The following HNRNPM variants were observed in gnomAD, a reference collection of about 807,000 sequenced individuals.
HNRNPM encodes CEA receptor.
Under a neutral mutation model 73.1 loss-of-function variants are expected in HNRNPM, and 11 were observed. The observed-to-expected ratio is 0.15, with a 90% CI of 0.09 to 0.25. The LOEUF (loss-of-function observed/expected upper bound fraction) is 0.25. Ranked by LOEUF, HNRNPM falls within the 10% of genes least tolerant of loss-of-function variation. HNRNPM has a pLI of 1.00. For synonymous variants in HNRNPM, 407 were observed against 355.2 expected, an observed-to-expected ratio of 1.15 and a Z score of -1.64; for missense variants, 789 against 1,067.9, an observed-to-expected ratio of 0.74 and a Z score of 3.64.
Position 8,462,983 on chromosome 19 carries a change from A to T in HNRNPM, c.336+402A>T, listed in dbSNP as rs531787705. Among the ~76,000 whole-genome samples, 16 of 152,350 alleles carry T rather than the reference A, an allele frequency of 1.1e-4. No homozygotes were observed. The highest frequency in any genetic ancestry group is 3.6e-4 in the African/African-American group (15 of 41,582). ...AATTTGAAAGTTGTGTGAACCAAAG[A>T]TTCCGAAAAGTTGCCTTTGTGCCAG... is the stretch of plus-strand genomic sequence containing the variant. On this transcript the variant is annotated intron_variant, in intron 3 of 15. Coordinates refer to ENST00000325495, the MANE Select transcript of HNRNPM (RefSeq NM_005968.5). The surrounding 1 kb of genome is among the most constrained non-coding windows in gnomAD (Gnocchi z 4.5).
intron 1 of HNRNPM, among the ~76,000 whole-genome samples, chr19:8,450,023 CTGG>C (rs1968494745): frequency 3.3e-5 from 5 of 152,264 alleles, no homozygotes; most frequent in Admixed American, 3.3e-4. Context: ...ACAGGTTGCG[CTGG>C]TTTTGCTGGT....
At chr19:8,485,475 G>T (rs1971209256) in intron 13 of HNRNPM, 128 bp from the exon 14 acceptor site, 5 of 938,518 alleles carry the variant, frequency 5.3e-6, no homozygotes, top group Non-Finnish European at 8.1e-6. Flanking sequence ...TTTGAGGGGT[G>T]TCTTAATGGT....
At chr19:8,445,911 A>G (rs1036891002) in intron 1 of HNRNPM, among the ~76,000 whole-genome samples, 4 of 152,194 alleles carry the variant, frequency 2.6e-5, no homozygotes, top group Non-Finnish European at 2.9e-5. Flanking sequence ...AGGCGGGTTC[A>G]TTTACTTCCA....
chr19:8,459,044 C>T (rs1969214918), intron 2 of HNRNPM, among the ~76,000 whole-genome samples: 1 of 152,154 alleles, frequency 6.6e-6, no homozygotes, highest in African/African-American at 2.4e-5. Flanking sequence ...TCTCTTGCCC[C>T]AGCCTCCCAA....
chr19:8,461,724 T>C (rs1008707553), intron 2 of HNRNPM, among the ~76,000 whole-genome samples: 8 of 150,284 alleles, frequency 5.3e-5, no homozygotes, highest in Non-Finnish European at 1.5e-5. Flanking sequence ...TTGAATTTAT[T>C]TGTGTCCTTT....
Position 8,474,228 on chromosome 19 carries a change from C to G in HNRNPM, c.1104C>G (p.Asn368Lys). ...TGGGTCGATTTGGATCTGGGATGAA[C>G]ATGGGCAGGATAAATGGTAAGCATC... ...ENMGRFGSGM[N>K]MGRINEILSN... The change falls in exon 12 of 16, where the codon AAC becomes AAG. Residue 368 changes from asparagine to lysine, a missense_variant. Asn to Lys is a moderately conservative substitution (Grantham distance 94). Coordinates refer to ENST00000325495, the MANE Select transcript of HNRNPM (RefSeq NM_005968.5). 1 of 1,591,958 alleles carries G rather than the reference C, an allele frequency of 6.3e-7. No individual in the cohort carries two copies. The highest frequency in any genetic ancestry group is 8.5e-7 in the Non-Finnish European group (1 of 1,170,614).
At position 8,466,269 on chromosome 19, in the gene HNRNPM, A is replaced by T. The variant is rs766767057; in HGVS notation, c.665A>T (p.Glu222Val). ...AAAGTTGGCTGGAAGAAACTGAAGG[A>T]AGTATTTAGTATGGCTGGTGTGGTG... is the stretch of plus-strand genomic sequence containing the variant. ...DYKVGWKKLKEVFSMAGVVVR... is the reference protein window; with the variant it reads ...DYKVGWKKLKVVFSMAGVVVR... The change falls in exon 7 of 16, where the codon GAA becomes GTA. Residue 222 changes from glutamate to valine, a missense_variant. Glu to Val is a moderately radical substitution (Grantham distance 121). Coordinates refer to ENST00000325495, the MANE Select transcript of HNRNPM (RefSeq NM_005968.5). 6.2e-7 allele frequency: 1 copy of T among 1,613,948 alleles called. No individual in the cohort carries two copies. The highest frequency in any genetic ancestry group is 8.5e-7 in the Non-Finnish European group (1 of 1,179,994).
rs1222128531 is a variant in HNRNPM at position 8,445,046 on chromosome 19, C to G, written c.48C>G (p.Ile16Met). Reference protein sequence around the residue: ...EAAAEVAATEIKMEEESGAPG... With the variant: ...EAAAEVAATEMKMEEESGAPG... ...CGGCGGAGGTGGCGGCGACGGAGAT[C>G]AAAATGGAGGAAGAGAGCGGCGCGC... The change falls in exon 1 of 16, where the codon ATC (isoleucine) becomes ATG (methionine). Residue 16 changes from isoleucine to methionine, a missense_variant. This residue lies in a region of HNRNPM where 79 missense variants were observed against 70.7 expected (regional missense o/e 1.12). Coordinates refer to ENST00000325495, the MANE Select transcript of HNRNPM (RefSeq NM_005968.5). 2.1e-6 allele frequency: 3 copies of G among 1,432,732 alleles called. No individual in the cohort carries two copies. Among genetic ancestry groups the G allele is most frequent in the African/African-American group, 1.5e-5 (1 of 66,966 alleles). 88.8% of individuals were successfully genotyped at this position (1,432,732 alleles called of 1,614,324 possible).
intron 1 of HNRNPM, among the ~76,000 whole-genome samples, chr19:8,451,678 C>G (rs1234920881): frequency 6.6e-6 from 1 of 152,048 alleles, no homozygotes; most frequent in Non-Finnish European, 1.5e-5. Context: ...CAGTTGTGCA[C>G]CAACATACCT....
At chr19:8,452,271 C>T (rs1480405391) in intron 1 of HNRNPM, among the ~76,000 whole-genome samples, 1 of 152,170 alleles carries the variant, frequency 6.6e-6, no homozygotes, top group Non-Finnish European at 1.5e-5. Context: ...GGAAATAATT[C>T]ATCATGGACT....
Position 8,486,218 on chromosome 19 carries a change from G to T in HNRNPM, c.1790G>T (p.Gly597Val), listed in dbSNP as rs1185441981. The T allele has an allele frequency of 6.3e-7, 1 of 1,590,746 alleles. No homozygotes were observed. The highest frequency in any genetic ancestry group is 8.6e-7 in the Non-Finnish European group (1 of 1,169,572). ...CTCGAGCGCATGGGCCCTGCCATGG[G>T]CCCGGCCCTGGGCGCTGGCATTGAG... Reference protein sequence around the residue: ...NSLERMGPAMGPALGAGIERM... With the variant: ...NSLERMGPAMVPALGAGIERM... Residue 597 changes from glycine (G) to valine (V), a missense_variant, in exon 14 of 16, where the codon GGC becomes GTC. This residue lies in a region of HNRNPM where 604 missense variants were observed against 744.0 expected (regional missense o/e 0.81). Transcript: ENST00000325495.
Position 8,466,346 on chromosome 19 carries a change from A to G in HNRNPM, c.742A>G (p.Thr248Ala). ...AGATGGAAAAAGTCGTGGAATAGGC[A>G]CTGTTACTTTTGAACAGTCCATTGA... ...DKDGKSRGIG[T>A]VTFEQSIEAV... is the part of the protein sequence containing the mutation. Residue 248 changes from threonine to alanine, a missense_variant, in exon 7 of 16, where the codon ACT becomes GCT. Around this residue, in one of 4 missense-constraint regions of HNRNPM, gnomAD observed 604 missense variants for 744.0 expected, o/e 0.81. Transcript: ENST00000325495. 2 of 1,614,110 alleles carry G rather than the reference A, an allele frequency of 1.2e-6. No individual in the cohort carries two copies. Among genetic ancestry groups the G allele is most frequent in the South Asian group, 1.1e-5 (1 of 91,080 alleles).
chr19:8,447,894 C>T (rs1455551889), intron 1 of HNRNPM, among the ~76,000 whole-genome samples: 4 of 152,102 alleles, frequency 2.6e-5, no homozygotes, highest in East Asian at 1.9e-4. Context: ...GGCGTGGTGC[C>T]GGGCTCCTGT....
At chr19:8,479,578 G>T (rs1297911960) in intron 12 of HNRNPM, among the ~76,000 whole-genome samples, 1 of 151,692 alleles carries the variant, frequency 6.6e-6, no homozygotes, top group Non-Finnish European at 1.5e-5. Flanking sequence ...TTGCCTCTGA[G>T]TGGCTAGGAA....
intron 15 of HNRNPM, 38 bp downstream of exon 15, chr19:8,487,113 T>C (rs1308215390): frequency 6.4e-7 from 1 of 1,570,738 alleles, no homozygotes; most frequent in Admixed American, 1.7e-5. Flanking sequence ...GCTTCCCTCG[T>C]GCTTGTTGGT....
In HNRNPM at chr19:8,462,633, CTG is replaced by C; in HGVS notation, c.336+54_336+55del. On this transcript the variant is annotated intron_variant, in intron 3 of 15. Coordinates refer to ENST00000325495, the MANE Select transcript of HNRNPM (RefSeq NM_005968.5). This position sits in a 1 kb window ranked among gnomAD's most constrained non-coding sequence, Gnocchi z 4.5. ...TGGATTTACTACATGAAAAATGTAA[CTG>C]TATGGTGGCGTGGAATCGAATGAAA... 1 of 1,398,308 alleles carries C rather than the reference CTG, an allele frequency of 7.2e-7. No individual in the cohort carries two copies. Among genetic ancestry groups the C allele is most frequent in the South Asian group, 1.2e-5 (1 of 86,774 alleles). The allele number at this position is 1,398,308 out of a possible 1,614,324, so 86.6% of individuals were successfully genotyped here.
intron 8 of HNRNPM, 118 bp downstream of exon 8, chr19:8,467,702 T>C: frequency 1.3e-6 from 1 of 798,980 alleles, no homozygotes; most frequent in South Asian, 1.4e-5. Flanking sequence ...TTAAATAGGG[T>C]GCAGTATGTT....
chr19:8,467,737 A>C (rs960993687), intron 8 of HNRNPM, among the ~76,000 whole-genome samples, 153 bp downstream of exon 8: 1 of 152,156 alleles, frequency 6.6e-6, no homozygotes. Flanking sequence ...GAGAAATAAC[A>C]TTTTGCTGGT....
intron 1 of HNRNPM, chr19:8,445,368 G>A: frequency 2.8e-6 from 1 of 358,322 alleles, no homozygotes; most frequent in Non-Finnish European, 5.0e-6. Context: ...CCGTAGTCGA[G>A]GCCTCAGGCC....
Sources: allele counts gnomAD v4.1 joint callset (sites outside exome capture counted in the v4.1 genomes callset), GRCh38; gene constraint gnomAD v4.1.1; regional missense constraint gnomAD v4.1.1; non-coding constraint Gnocchi (gnomAD v3.1); transcripts MANE v1.5; gene names NCBI Gene and HGNC (gene_info 2026-07-23, HGNC 2026-07-21).